The following NTRK2 variants were observed in gnomAD, a reference collection of about 807,000 sequenced individuals.
NTRK2 encodes the protein neurotrophic receptor tyrosine kinase 2.
NTRK2 carries 13 observed loss-of-function variants against 94.5 expected under a neutral mutation model. The observed-to-expected ratio is 0.14, with a 90% CI of 0.09 to 0.22. NTRK2 has a LOEUF of 0.22. Among genes scored for constraint, NTRK2 ranks in the 10% least tolerant of loss-of-function variants. The probability of loss-of-function intolerance (pLI) is 1.00; values close to 1 mark genes in which losing one functional copy is unlikely to be tolerated. For missense variants in NTRK2, 639 were observed against 1,071.2 expected, an observed-to-expected ratio of 0.60 and a Z score of 5.63; for synonymous variants, 372 against 407.4, an observed-to-expected ratio of 0.91 and a Z score of 1.05.
chr9:84,735,663 C>G (rs2063208210), intron 9 of NTRK2, among the ~76,000 whole-genome samples: 5 of 152,194 alleles, frequency 3.3e-5, no homozygotes, highest in Admixed American at 3.3e-4. Flanking sequence ...AAAGTAGAGA[C>G]AGCAGTTGCA....
intron 12 of NTRK2, among the ~76,000 whole-genome samples, chr9:84,836,320 A>G (rs757493660): frequency 1.3e-5 from 2 of 152,074 alleles, no homozygotes; most frequent in African/African-American, 4.8e-5. Context: ...TTGGTTGGGA[A>G]ATGATGGCTA....
intron 12 of NTRK2, among the ~76,000 whole-genome samples, chr9:84,777,004 A>C (rs1319591168): frequency 6.6e-6 from 1 of 152,174 alleles, no homozygotes; most frequent in Non-Finnish European, 1.5e-5. Context: ...CATCTTTATC[A>C]TTGGGTTTTA....
At chr9:84,943,108 T>C (rs2078469820) in intron 15 of NTRK2, among the ~76,000 whole-genome samples, 1 of 152,252 alleles carries the variant, frequency 6.6e-6, no homozygotes, top group Admixed American at 6.5e-5. Context: ...ACAAAGACAC[T>C]GTTTCTATGA....
intron 12 of NTRK2, among the ~76,000 whole-genome samples, chr9:84,820,923 A>G (rs961362195): frequency 4.6e-5 from 7 of 152,204 alleles, no homozygotes; most frequent in Non-Finnish European, 7.3e-5. Flanking sequence ...TTGTCTGCCT[A>G]TAAAATCTCT....
intron 14 of NTRK2, among the ~76,000 whole-genome samples, chr9:84,902,558 A>G (rs1168565753): frequency 1.3e-5 from 2 of 152,216 alleles, no homozygotes; most frequent in African/African-American, 2.4e-5. Context: ...GCAAATAAAT[A>G]AATACATACA....
intron 11 of NTRK2, among the ~76,000 whole-genome samples, chr9:84,750,517 T>C (rs2064493792): frequency 6.6e-6 from 1 of 152,216 alleles, no homozygotes; most frequent in Admixed American, 6.5e-5. Context: ...CCAGAATGGC[T>C]CTCTAAGAAA....
At chr9:84,975,057 A>T (rs1588090719) in intron 17 of NTRK2, among the ~76,000 whole-genome samples, 1 of 152,046 alleles carries the variant, frequency 6.6e-6, no homozygotes, top group Admixed American at 6.5e-5. Flanking sequence ...CTCTGGGAGC[A>T]CCTTGGAAGG....
At chr9:84,852,660 C>T (rs1239397419) in intron 12 of NTRK2, among the ~76,000 whole-genome samples, 1 of 152,162 alleles carries the variant, frequency 6.6e-6, no homozygotes, top group Non-Finnish European at 1.5e-5. Context: ...GTAAAAAACT[C>T]AGTGTTGTAT....
chr9:84,769,571 CAG>C (rs1371593420), intron 12 of NTRK2, among the ~76,000 whole-genome samples: 1 of 152,158 alleles, frequency 6.6e-6, no homozygotes, highest in Non-Finnish European at 1.5e-5. Context: ...CCAGAAATCT[CAG>C]AGTGGTGTTG....
chr9:84,756,771 C>T (rs75623565), intron 12 of NTRK2, among the ~76,000 whole-genome samples: 7,723 of 152,266 alleles, frequency 0.051, 273 homozygotes, highest in Non-Finnish European at 0.073. Context: ...ATTCATTTGT[C>T]CTACTTAAGT....
At chr9:84,796,756 G>A (rs889205882) in intron 12 of NTRK2, among the ~76,000 whole-genome samples, 1 of 152,118 alleles carries the variant, frequency 6.6e-6, no homozygotes, top group Non-Finnish European at 1.5e-5. Context: ...AATGACTAGT[G>A]GAAACAAGAT....
intron 12 of NTRK2, among the ~76,000 whole-genome samples, chr9:84,777,536 A>G (rs1458370613): frequency 6.6e-6 from 1 of 152,196 alleles, no homozygotes; most frequent in Non-Finnish European, 1.5e-5. Context: ...TCAAAGAACA[A>G]GAGAGTTTGG....
At chr9:84,765,915 A>C (rs2065982724) in intron 12 of NTRK2, among the ~76,000 whole-genome samples, 1 of 152,172 alleles carries the variant, frequency 6.6e-6, no homozygotes, top group Non-Finnish European at 1.5e-5. Flanking sequence ...TAATAGAAAA[A>C]ATTAAAAAAT....
intron 14 of NTRK2, among the ~76,000 whole-genome samples, chr9:84,930,620 T>G (rs944272952): frequency 3.9e-5 from 6 of 151,978 alleles, no homozygotes; most frequent in African/African-American, 1.5e-4. Context: ...TAAAGGGATG[T>G]TTAAGGAGAG....
chr9:85,024,801 CA>C lies in NTRK2; in HGVS notation c.*3365del, dbSNP rs1407947707. On this transcript the variant is annotated 3_prime_UTR_variant, in exon 19 of 19. Transcript: ENST00000277120. The stretch of plus-strand genomic sequence containing the variant: ...TTGTACACTGAACCAATGTCATAAT[CA>C]GGCTTATTTAGAAAACACTTTGAAC... 3 of 232,928 alleles carry C rather than the reference CA, an allele frequency of 1.3e-5. No individual in the cohort carries two copies. Among genetic ancestry groups the C allele is most frequent in the African/African-American group, 2.2e-5 (1 of 45,334 alleles). The allele number at this position is 232,928 out of a possible 1,614,324, so 14.4% of individuals were successfully genotyped here.
chr9:84,739,418 A>G (rs1404858219), intron 9 of NTRK2, among the ~76,000 whole-genome samples: 1 of 152,150 alleles, frequency 6.6e-6, no homozygotes, highest in Non-Finnish European at 1.5e-5. Context: ...CCATTTTTCC[A>G]TACCTAACAT....
At chr9:85,007,056 C>G (rs1831053014) in intron 17 of NTRK2, among the ~76,000 whole-genome samples, 1 of 152,228 alleles carries the variant, frequency 6.6e-6, no homozygotes, top group African/African-American at 2.4e-5. Context: ...AGCATCCCAG[C>G]ACTGGACTGT....
In NTRK2 at chr9:85,025,549, C is replaced by G. The variant is rs1394985909; in HGVS notation, c.*4112C>G. The G allele has an allele frequency of 4.3e-6, 1 of 233,106 alleles. No individual in the cohort carries two copies. The highest frequency in any genetic ancestry group is 8.5e-6 in the Non-Finnish European group (1 of 118,034). 14.4% of individuals were successfully genotyped at this position (233,106 alleles called of 1,614,324 possible). ...CAAAGCGTCCTAACAGCAGGATTAC[C>G]TGGTCAAGTATGGACTTTCTTTGAA... On this transcript the variant is annotated 3_prime_UTR_variant, in exon 19 of 19. Transcript: ENST00000277120.
At chr9:84,809,408 T>A (rs1217391900) in intron 12 of NTRK2, among the ~76,000 whole-genome samples, 2 of 148,278 alleles carry the variant, frequency 1.3e-5, no homozygotes, top group Non-Finnish European at 3.0e-5. Context: ...TATTTATATA[T>A]TATTATATAT....
Sources: gnomAD v4.1 joint callset for allele counts (sites outside exome capture counted in the v4.1 genomes callset) on GRCh38, gnomAD v4.1.1 for gene constraint, MANE v1.5 for transcripts, NCBI Gene and HGNC (gene_info 2026-07-23, HGNC 2026-07-21) for gene names.